The following LMOD3 variants were observed in gnomAD, a reference collection of about 807,000 sequenced individuals.
The protein encoded by LMOD3 is leiomodin 3.
A neutral mutation model predicts 41.8 loss-of-function variants in LMOD3; 31 were observed. The ratio of observed to expected loss-of-function variants is 0.74; its 90% CI spans 0.56 to 1.00. LMOD3 has a LOEUF of 1.00. Among genes scored for constraint, LMOD3 ranks in the 50% least tolerant of loss-of-function variants. LMOD3 has a pLI of 0.00. For synonymous variants in LMOD3, 292 were observed against 241.9 expected (o/e 1.21, Z -1.92); for missense variants, 755 against 679.5 (o/e 1.11, Z -1.23).
At position 69,117,523 on chromosome 3, in the gene LMOD3, T is replaced by C. The variant is rs561991614; in HGVS notation, c.1656+1176A>G. Among the ~76,000 whole-genome samples the C allele has an allele frequency of 9.8e-5, 15 of 152,296 alleles. No individual in the cohort carries two copies. The South Asian group carries it at 1.2e-3, about 13-fold the overall frequency. On this transcript the variant is annotated intron_variant, in intron 2 of 2. Transcript: ENST00000420581. The stretch of plus-strand genomic sequence containing the variant: ...CAATCACCTGCGGCCTCTGAACACA[T>C]CTTTCAACCTCAATAAACGCCATCA...
In LMOD3 at chr3:69,108,881, A is replaced by G. The variant is rs1559657350; in HGVS notation, c.*214T>C. ...TTGCAAGTAGAAAATATTGCCTCTA[A>G]ATATTATATTTTATCTCCTTCCACC... On this transcript the variant is annotated 3_prime_UTR_variant, in exon 3 of 3. Transcript: ENST00000420581. The G allele has an allele frequency of 2.4e-6, 1 of 416,154 alleles. No individual in the cohort carries two copies. The highest frequency in any genetic ancestry group is 3.7e-5 in the East Asian group (1 of 27,184). 25.8% of individuals were successfully genotyped at this position (416,154 alleles called of 1,614,324 possible). A position where few individuals can be genotyped will look rare whatever the true frequency, so the allele number is the denominator to read the frequency against.
rs373817195 is a variant in LMOD3, at chr3:69,106,693, A to AT, written c.*2401dup. On this transcript the variant is annotated 3_prime_UTR_variant, in exon 3 of 3. Coordinates refer to ENST00000420581, the MANE Select transcript of LMOD3 (RefSeq NM_198271.5). Reference sequence around the variant, plus strand: ...AACAAATGCATAGGGGCTTTCTAGAATTTTTTTTTTTTTTTTGAGATGAGG... The same window carrying AT: ...AACAAATGCATAGGGGCTTTCTAGAATTTTTTTTTTTTTTTTTGAGATGAGG... Among the ~76,000 whole-genome samples, 5,372 of 137,672 alleles carry AT rather than the reference A, an allele frequency of 0.039. 286 individuals carry two copies. Among genetic ancestry groups the AT allele is most frequent in the African/African-American group, 0.12 (4,319 of 36,956 alleles). 90.3% of individuals were successfully genotyped at this position (137,672 alleles called of 152,430 possible).
At position 69,107,461 on chromosome 3, in the gene LMOD3, T is replaced by TTG. The variant is rs1559656831; in HGVS notation, c.*1633_*1634insCA. ...GAGAAAAGGCACCAAAGGTTTTTTTTTTTTTTTTTTTTTTTTTTTTTTTTT... is the reference window on the plus strand; with the variant it reads ...GAGAAAAGGCACCAAAGGTTTTTTTTTGTTTTTTTTTTTTTTTTTTTTTTTTT... On this transcript the variant is annotated 3_prime_UTR_variant, in exon 3 of 3. Transcript: ENST00000420581. The TTG allele has an allele frequency of 1.2e-5, 1 of 84,080 alleles. No homozygotes were observed. The highest frequency in any genetic ancestry group is 5.9e-5 in the African/African-American group (1 of 16,878). The allele number at this position is 84,080 out of a possible 1,614,324, so 5.2% of individuals were successfully genotyped here. A position where few individuals can be genotyped will look rare whatever the true frequency, so the allele number is the denominator to read the frequency against.
rs2092325054 is a variant in LMOD3, at chr3:69,106,887, T to TTTTTTA, written c.*2207_*2208insTAAAAA. The TTTTTTA allele has an allele frequency of 7.0e-6, 1 of 142,094 alleles. No individual in the cohort carries two copies. The highest frequency in any genetic ancestry group is 1.5e-5 in the Non-Finnish European group (1 of 66,634). 8.8% of individuals were successfully genotyped at this position (142,094 alleles called of 1,614,324 possible). On this transcript the variant is annotated 3_prime_UTR_variant, in exon 3 of 3. Coordinates refer to ENST00000420581, the MANE Select transcript of LMOD3 (RefSeq NM_198271.5). ...TTTTTTTTTTTTTTTTTTTTTTTTT[T>TTTTTTA]AGTAGAAATGGGGTTTCACCATGTT...
intron 2 of LMOD3, among the ~76,000 whole-genome samples, chr3:69,109,875 G>A (rs2092340159): frequency 6.6e-6 from 1 of 152,054 alleles, no homozygotes; most frequent in Non-Finnish European, 1.5e-5. Context: ...AGCCTTGTAG[G>A]GAGAGAAATG....
intron 2 of LMOD3, among the ~76,000 whole-genome samples, chr3:69,109,826 C>T (rs1171835412): frequency 1.3e-5 from 2 of 151,970 alleles, no homozygotes; most frequent in Non-Finnish European, 2.9e-5. Flanking sequence ...CCCGGCCTAA[C>T]ACTTATTTTT....
At chr3:69,116,724 C>T (rs958959534) in intron 2 of LMOD3, among the ~76,000 whole-genome samples, 1 of 152,154 alleles carries the variant, frequency 6.6e-6, no homozygotes, top group African/African-American at 2.4e-5. Context: ...CTGAACCTGA[C>T]TTACCACTAT....
Position 69,116,529 on chromosome 3 carries a change from AATTG to A in LMOD3, c.1656+2166_1656+2169del, listed in dbSNP as rs570349006. Among the ~76,000 whole-genome samples, 55 of 152,350 alleles carry A rather than the reference AATTG, an allele frequency of 3.6e-4. 1 individual carries two copies. The highest frequency in any genetic ancestry group is 2.0e-4 in the Admixed American group (3 of 15,308). On this transcript the variant is annotated intron_variant, in intron 2 of 2. Coordinates refer to ENST00000420581, the MANE Select transcript of LMOD3 (RefSeq NM_198271.5). Reference sequence around the variant, plus strand: ...ACACTTAAAATTGGTAGTAGTTTTGAATTGATTAAAATATGAAAAATGCAGTGCT... The same window carrying A: ...ACACTTAAAATTGGTAGTAGTTTTGAATTAAAATATGAAAAATGCAGTGCT...
chr3:69,119,905 T>C lies in LMOD3; in HGVS notation c.450A>G (p.Glu150=), dbSNP rs1575881414. The change falls in exon 2 of 3, where the codon GAA becomes GAG. Residue 150 remains glutamate (E), a synonymous_variant. Coordinates refer to ENST00000420581, the MANE Select transcript of LMOD3 (RefSeq NM_198271.5). ...IQETDEEDEE[E]EDDDDDDEGE... ...CTTCGTCGTCATCATCATCATCTTC[T>C]TCTTCTTCATCTTCTTCATCTGTTT... 6.5e-7 allele frequency: 1 copy of C among 1,547,932 alleles called. No individual in the cohort carries two copies. The highest frequency in any genetic ancestry group is 2.0e-5 in the Admixed American group (1 of 51,206).
rs370051587 is a variant in LMOD3, at chr3:69,119,482, A to G, written c.873T>C (p.Asn291=). ...NKHIKTFSLA[N]VGADENVAFA... ...ATGCTACATTCTCATCTGCACCCAC[A>G]TTGGCTAAACTGAATGTTTTGATGT... is the stretch of plus-strand genomic sequence containing the variant. The change falls in exon 2 of 3, where the codon AAT becomes AAC. Residue 291 remains asparagine, a synonymous_variant. Coordinates refer to ENST00000420581, the MANE Select transcript of LMOD3 (RefSeq NM_198271.5). 2.5e-6 allele frequency: 4 copies of G among 1,613,920 alleles called. No individual in the cohort carries two copies. The highest frequency in any genetic ancestry group is 2.2e-5 in the South Asian group (2 of 91,080).
In LMOD3 at chr3:69,106,590, C is replaced by G. The variant is rs2092323401; in HGVS notation, c.*2505G>C. Among the ~76,000 whole-genome samples the G allele has an allele frequency of 6.6e-6, 1 of 152,010 alleles. No homozygotes were observed. The highest frequency in any genetic ancestry group is 6.6e-5 in the Admixed American group (1 of 15,260). On this transcript the variant is annotated 3_prime_UTR_variant, in exon 3 of 3. Transcript: ENST00000420581. ...AAGCTATGAAATTGGATCATCTTTT[C>G]TTCTTGTATATCTAAGATAAAAACC...
chr3:69,118,913 T>C lies in LMOD3; in HGVS notation c.1442A>G (p.Asp481Gly). 6.2e-7 allele frequency: 1 copy of C among 1,611,182 alleles called. No homozygotes were observed. The highest frequency in any genetic ancestry group is 1.4e-5 in the African/African-American group (1 of 74,032). The change falls in exon 2 of 3, where the codon GAC becomes GGC. Residue 481 changes from aspartate (D) to glycine (G), a missense_variant. Physicochemically the swap from Asp to Gly is moderately conservative, Grantham distance 94. Coordinates refer to ENST00000420581, the MANE Select transcript of LMOD3 (RefSeq NM_198271.5). ...KPSQAPKYRT[D>G]PDSFRVVKLK... is the part of the protein sequence containing the mutation. ...CTTCACCACCCGGAAGGAGTCAGGG[T>C]CTGTCCTGTACTTCGGGGCCTGCGA...
Position 69,109,141 on chromosome 3 carries a change from G to A in LMOD3, c.1657-20C>T. The A allele has an allele frequency of 6.3e-7, 1 of 1,595,740 alleles. No homozygotes were observed. Among genetic ancestry groups the A allele is most frequent in the Non-Finnish European group, 8.5e-7 (1 of 1,170,724 alleles). On this transcript the variant is annotated intron_variant, in intron 2 of 2. Transcript: ENST00000420581. ...TTGCACCTGCGATTTAAGCATTTGAGGAAACGGGGGAAATTAATCCTGGAA... is the reference window on the plus strand; with the variant it reads ...TTGCACCTGCGATTTAAGCATTTGAAGAAACGGGGGAAATTAATCCTGGAA...
rs376560960 is a variant in LMOD3, at chr3:69,119,844, T to C, written c.511A>G (p.Arg171Gly). The C allele has an allele frequency of 2.3e-5, 36 of 1,565,406 alleles. No homozygotes were observed. In the Middle Eastern group the frequency reaches 5.0e-4, roughly 22 times the overall value. The stretch of plus-strand genomic sequence containing the variant: ...TCCTTTGCTTTGCCTTCCTCTTCTC[T>C]GTTCGTTTCTTCACTCTCTTCACCA... ...DDGEESEETNREEEGKAKEQI... is the reference protein window; with the variant it reads ...DDGEESEETNGEEEGKAKEQI... Residue 171 changes from arginine to glycine, a missense_variant, in exon 2 of 3, where the codon AGA (arginine) becomes GGA (glycine). Transcript: ENST00000420581.
intron 2 of LMOD3, among the ~76,000 whole-genome samples, chr3:69,115,837 A>AG (rs2092369954): frequency 6.6e-6 from 1 of 152,210 alleles, no homozygotes; most frequent in Non-Finnish European, 1.5e-5. Flanking sequence ...CTCTGAAATC[A>AG]GAATCCATCT....
Position 69,119,790 on chromosome 3 carries a change from G to A in LMOD3, c.565C>T (p.Gln189Ter), listed in dbSNP as rs372843096. 1 of 1,608,692 alleles carries A rather than the reference G, an allele frequency of 6.2e-7. No individual in the cohort carries two copies. The highest frequency in any genetic ancestry group is 1.1e-5 in the South Asian group (1 of 90,540). ...TTGAATGCTTTGTCAGTTACCTGCT[G>A]GCAGTTGTTCTCACAATTTCTAATT... ...EQIRNCENNC[Q>*]QVTDKAFKEQ... The change falls in exon 2 of 3, where the codon CAG becomes TAG. Residue 189 changes from glutamine to a stop codon, truncating the protein, a stop_gained. Transcript: ENST00000420581. LOFTEE classifies it high-confidence loss of function.
chr3:69,111,193 T>A (rs2092348512), intron 2 of LMOD3, among the ~76,000 whole-genome samples: 1 of 152,148 alleles, frequency 6.6e-6, no homozygotes, highest in African/African-American at 2.4e-5. Context: ...TGGCTCCTCT[T>A]GCAGCCAGTT....
chr3:69,110,711 C>A (rs1382846390), intron 2 of LMOD3, among the ~76,000 whole-genome samples: 4 of 147,570 alleles, frequency 2.7e-5, no homozygotes, highest in African/African-American at 9.9e-5. Context: ...GGCGTGGTGG[C>A]ACGTGCCTGT....
At position 69,122,429 on chromosome 3, in the gene LMOD3, A is replaced by T. The variant is rs745595774; in HGVS notation, c.-43T>A. On this transcript the variant is annotated 5_prime_UTR_variant, in exon 1 of 3. Coordinates refer to ENST00000420581, the MANE Select transcript of LMOD3 (RefSeq NM_198271.5). Reference sequence around the variant, plus strand: ...ATTTTACTAGAAAAGAAGAATAATCAAAGATGATTTTTAAAAAGAAGGAAA... The same window carrying T: ...ATTTTACTAGAAAAGAAGAATAATCTAAGATGATTTTTAAAAAGAAGGAAA... The T allele has an allele frequency of 2.2e-5, 31 of 1,386,204 alleles. No homozygotes were observed. Among genetic ancestry groups the T allele is most frequent in the Non-Finnish European group, 3.0e-5 (31 of 1,027,252 alleles). The allele number at this position is 1,386,204 out of a possible 1,614,324, so 85.9% of individuals were successfully genotyped here.
Sources: gnomAD v4.1 joint callset for allele counts (sites outside exome capture counted in the v4.1 genomes callset) on GRCh38, gnomAD v4.1.1 for gene constraint, MANE v1.5 for transcripts, NCBI Gene and HGNC (gene_info 2026-07-23, HGNC 2026-07-21) for gene names.